Variants in TECTA observed in about 807,000 individuals in gnomAD.
TECTA encodes the protein tectorin alpha.
A neutral mutation model predicts 216.8 loss-of-function variants in TECTA; 128 were observed. The observed-to-expected ratio is 0.59, with a 90% CI of 0.51 to 0.68. The LOEUF (loss-of-function observed/expected upper bound fraction) is 0.68. Ranked by LOEUF, TECTA falls within the 30% of genes least tolerant of loss-of-function variation. TECTA has a pLI of 0.00. For missense variants in TECTA, 2,551 were observed against 2,786.2 expected, an observed-to-expected ratio of 0.92 and a Z score of 1.90; for synonymous variants, 1,089 against 1,117.1, an observed-to-expected ratio of 0.97 and a Z score of 0.50.
At chr11:121,133,309 A>G (rs1946693370) in intron 10 of TECTA, among the ~76,000 whole-genome samples, 1 of 152,060 alleles carries the variant, frequency 6.6e-6, no homozygotes, top group South Asian at 2.1e-4. Flanking sequence ...AAACTTCAGT[A>G]TGTATTTCCT....
At chr11:121,119,628 T>C (rs1412115176) in intron 7 of TECTA, among the ~76,000 whole-genome samples, 1 of 152,228 alleles carries the variant, frequency 6.6e-6, no homozygotes, top group Non-Finnish European at 1.5e-5. Context: ...CCCAGTGCAA[T>C]CCTTAATCCC....
At chr11:121,114,059 GCCA>G in intron 6 of TECTA, among the ~76,000 whole-genome samples, 1 of 152,070 alleles carries the variant, frequency 6.6e-6, no homozygotes, top group African/African-American at 2.4e-5. Context: ...TGTTGTTGTT[GCCA>G]TTTCCTCCCC....
Position 121,166,776 on chromosome 11 carries a change from T to G in TECTA, c.5582T>G (p.Val1861Gly), listed in dbSNP as rs2135130335. ...NNTKGNCGNIVQSNGTHIMYK... is the reference protein window; with the variant it reads ...NNTKGNCGNIGQSNGTHIMYK... ...ACCAAAGGGAATTGTGGAAACATTG[T>G]GCAGGTGAGAAAAGCAGCAGGAAAG... Residue 1861 changes from valine (V) to glycine (G), a missense_variant, in exon 18 of 24, where the codon GTG becomes GGG. Coordinates refer to ENST00000392793, the MANE Select transcript of TECTA (RefSeq NM_005422.4). 6.8e-6 allele frequency: 11 copies of G among 1,613,882 alleles called. No homozygotes were observed. The highest frequency in any genetic ancestry group is 9.3e-6 in the Non-Finnish European group (11 of 1,179,988).
chr11:121,143,274 T>G (rs1435882851), intron 11 of TECTA, among the ~76,000 whole-genome samples: 1 of 152,182 alleles, frequency 6.6e-6, no homozygotes, highest in Admixed American at 6.5e-5. Context: ...CAAGCCACAC[T>G]CTATGCCCCA....
rs1946421923 is a variant in TECTA at position 121,109,320 on chromosome 11, T to C, written c.308T>C (p.Val103Ala). The change falls in exon 4 of 24, where the codon GTG (valine) becomes GCG (alanine). Residue 103 changes from valine (V) to alanine (A), a missense_variant. Transcript: ENST00000392793. ...RAFVAPFWAD[V>A]HNGIRGEIYY... Reference sequence around the variant, plus strand: ...TTCGTCGCCCCATTTTGGGCAGATGTGCACAATGGAATTCGAGGCGAGATC... The same window carrying C: ...TTCGTCGCCCCATTTTGGGCAGATGCGCACAATGGAATTCGAGGCGAGATC... 6.2e-7 allele frequency: 1 copy of C among 1,614,060 alleles called. No homozygotes were observed. The highest frequency in any genetic ancestry group is 1.1e-5 in the South Asian group (1 of 91,080).
intron 11 of TECTA, among the ~76,000 whole-genome samples, chr11:121,139,689 C>CAAAAAAAAAAAAAAAAAA (rs58300066): frequency 7.0e-6 from 1 of 141,952 alleles, no homozygotes. Flanking sequence ...GACTCTGTCT[C>CAAAAAAAAAAAAAAAAAA]AAAAAAAAAA....
chr11:121,166,824 A>G (rs759699115), intron 18 of TECTA, 44 bp downstream of exon 18: 6 of 1,605,854 alleles, frequency 3.7e-6, no homozygotes, highest in Non-Finnish European at 5.1e-6. Flanking sequence ...AGGCAGCGAC[A>G]GCTTCGAGTG....
At position 121,191,213 on chromosome 11, in the gene TECTA, G is replaced by C; in HGVS notation, c.*407G>C. ...GAGGGCCTGTTGGAACGATTTTGAA[G>C]TGATGACTGGAAGGTTTGACTCCCT... On this transcript the variant is annotated 3_prime_UTR_variant, in exon 24 of 24. Transcript: ENST00000392793. 3.4e-6 allele frequency: 1 copy of C among 297,138 alleles called. No individual in the cohort carries two copies. The highest frequency in any genetic ancestry group is 6.4e-6 in the Non-Finnish European group (1 of 155,438). The allele number at this position is 297,138 out of a possible 1,614,324, so 18.4% of individuals were successfully genotyped here.
Position 121,129,733 on chromosome 11 carries a change from CG to C in TECTA, c.2464del (p.Val822TrpfsTer2). On this transcript the variant is annotated frameshift_variant, in exon 10 of 24. Coordinates refer to ENST00000392793, the MANE Select transcript of TECTA (RefSeq NM_005422.4). LOFTEE classifies it high-confidence loss of function. ...KNSTTVESKG[V>X]VTVQYSDIGL... ...ACAGTACGACAGTGGAGTCCAAGGG[CG>C]TGGTGACTGTCCAGTACTCAGACAT... is the stretch of plus-strand genomic sequence containing the variant. The C allele has an allele frequency of 6.2e-7, 1 of 1,614,170 alleles. No individual in the cohort carries two copies. The highest frequency in any genetic ancestry group is 8.5e-7 in the Non-Finnish European group (1 of 1,180,024).
In TECTA at chr11:121,138,016, T is replaced by C; in HGVS notation, c.3537T>C (p.Thr1179=). The part of the protein sequence containing the change: ...SIVIHRAYKH[T]VLVNSERLYL... ...TGATCCACCGAGCTTACAAGCACAC[T>C]GTGCTGGTGAGTAGTCATGAGGTCC... The change falls in exon 11 of 24, where the codon ACT becomes ACC. Residue 1179 remains threonine, a synonymous_variant. Coordinates refer to ENST00000392793, the MANE Select transcript of TECTA (RefSeq NM_005422.4). 1 of 1,613,770 alleles carries C rather than the reference T, an allele frequency of 6.2e-7. No individual in the cohort carries two copies. Among genetic ancestry groups the C allele is most frequent in the Non-Finnish European group, 8.5e-7 (1 of 1,179,728 alleles).
intron 4 of TECTA, among the ~76,000 whole-genome samples, chr11:121,112,781 C>T (rs1946454102): frequency 1.3e-5 from 2 of 152,192 alleles, no homozygotes; most frequent in Admixed American, 6.5e-5. Flanking sequence ...CACGCTTAGC[C>T]GGGCCTCTGA....
intron 20 of TECTA, among the ~76,000 whole-genome samples, chr11:121,170,313 A>G (rs1221734270): frequency 1.3e-5 from 2 of 152,230 alleles, no homozygotes; most frequent in Admixed American, 1.3e-4. Context: ...TGCAATAAAC[A>G]TGGAAGTGTA....
rs760720812 is a variant in TECTA, at chr11:121,125,844, T to G, written c.1746T>G (p.Ile582Met). The change falls in exon 8 of 24, where the codon ATT becomes ATG. Residue 582 changes from isoleucine (I) to methionine (M), a missense_variant. By Grantham distance (10) the Ile-to-Met change is conservative (BLOSUM62 1). Transcript: ENST00000392793. ...ALVCQALGIP[I>M]GDWRTQTGCV... Reference sequence around the variant, plus strand: ...TGTGCCAAGCCCTTGGCATTCCAATTGGAGACTGGCGAACCCAGACTGGGT... The same window carrying G: ...TGTGCCAAGCCCTTGGCATTCCAATGGGAGACTGGCGAACCCAGACTGGGT... The G allele has an allele frequency of 6.8e-6, 11 of 1,611,686 alleles. No homozygotes were observed. The highest frequency in any genetic ancestry group is 9.3e-6 in the Non-Finnish European group (11 of 1,180,002).
At chr11:121,156,857 C>T (rs192542627) in intron 13 of TECTA, among the ~76,000 whole-genome samples, 4 of 152,192 alleles carry the variant, frequency 2.6e-5, no homozygotes, top group East Asian at 1.9e-4. Context: ...AGGTGAGTAA[C>T]GCTACTCAAG....
intron 15 of TECTA, 110 bp downstream of exon 15, chr11:121,160,531 A>G: frequency 6.8e-7 from 1 of 1,466,196 alleles, no homozygotes; most frequent in Non-Finnish European, 9.4e-7. Context: ...CTGCTCTCCT[A>G]CAGAGACGAG....
At chr11:121,161,893 C>A (rs955008296) in intron 15 of TECTA, among the ~76,000 whole-genome samples, 182 bp from the exon 16 acceptor site, 4 of 151,948 alleles carry the variant, frequency 2.6e-5, no homozygotes, top group Admixed American at 6.6e-5. Context: ...CAGGAATTAC[C>A]GTTTTACTTT....
chr11:121,174,858 A>T (rs1157851949), intron 20 of TECTA, among the ~76,000 whole-genome samples: 10 of 152,168 alleles, frequency 6.6e-5, no homozygotes, highest in Admixed American at 6.5e-4. Context: ...GATTATTTCC[A>T]CAATTTCAGA....
intron 12 of TECTA, among the ~76,000 whole-genome samples, chr11:121,150,774 T>C (rs1946883057): frequency 6.6e-6 from 1 of 151,622 alleles, no homozygotes. Context: ...GCCTCCCAAG[T>C]AGCTGGGACT....
intron 20 of TECTA, among the ~76,000 whole-genome samples, chr11:121,173,511 G>A (rs12362861): frequency 0.095 from 10,198 of 107,256 alleles, 584 homozygotes; most frequent in South Asian, 0.25. Flanking sequence ...GATATGCGGC[G>A]TTATTTCTGA....
Sources: gnomAD v4.1 joint callset for allele counts (sites outside exome capture counted in the v4.1 genomes callset) on GRCh38, gnomAD v4.1.1 for gene constraint, MANE v1.5 for transcripts, NCBI Gene and HGNC (gene_info 2026-07-23, HGNC 2026-07-21) for gene names.